OSBPL8: variants seen among roughly 807,000 people sequenced by gnomAD.
OSBPL8 encodes the protein oxysterol binding protein like 8, also known as oxysterol-binding protein-related protein 8.
Under a neutral mutation model 125.5 loss-of-function variants are expected in OSBPL8, and 59 were observed. That is an observed-to-expected ratio of 0.47 (90% CI 0.38 to 0.58). The LOEUF (loss-of-function observed/expected upper bound fraction) is 0.58, where lower values mean the gene tolerates loss of function less well. Ranked by LOEUF, OSBPL8 falls within the 20% of genes least tolerant of loss-of-function variation. The probability of loss-of-function intolerance (pLI) is 0.00; values close to 1 mark genes in which losing one functional copy is unlikely to be tolerated. For missense variants in OSBPL8, 758 were observed against 1,047.8 expected, an observed-to-expected ratio of 0.72 and a Z score of 3.82; for synonymous variants, 330 against 338.9, an observed-to-expected ratio of 0.97 and a Z score of 0.29.
At chr12:76,360,636 C>T (rs923662932) in intron 21 of OSBPL8, among the ~76,000 whole-genome samples, 4 of 152,252 alleles carry the variant, frequency 2.6e-5, no homozygotes, top group Non-Finnish European at 4.4e-5. Context: ...GAGGGCCGTG[C>T]CCCTGCAGCA....
intron 4 of OSBPL8, among the ~76,000 whole-genome samples, chr12:76,415,089 T>A (rs1029092517): frequency 1.3e-5 from 2 of 152,206 alleles, no homozygotes; most frequent in African/African-American, 4.8e-5. Context: ...CATGTCAAAG[T>A]TATACTAATA....
At chr12:76,542,386 T>C (rs1486228708) in intron 1 of OSBPL8, among the ~76,000 whole-genome samples, 2 of 152,166 alleles carry the variant, frequency 1.3e-5, no homozygotes, top group Admixed American at 6.5e-5. Flanking sequence ...GTACTGTCCA[T>C]ATCACCAGTC....
intron 5 of OSBPL8, among the ~76,000 whole-genome samples, chr12:76,407,357 T>C (rs1288277769): frequency 1.3e-5 from 2 of 152,184 alleles, no homozygotes; most frequent in Admixed American, 6.5e-5. Context: ...GGCTCAAGCA[T>C]CTCCTGCCTT....
chr12:76,491,189 G>GA (rs1375624655), intron 1 of OSBPL8, among the ~76,000 whole-genome samples: 5 of 151,860 alleles, frequency 3.3e-5, no homozygotes, highest in African/African-American at 4.8e-5. Flanking sequence ...ACTTCAAAAA[G>GA]AAAAAAAGAT....
intron 5 of OSBPL8, among the ~76,000 whole-genome samples, chr12:76,407,776 C>G (rs966463991): frequency 6.6e-6 from 1 of 152,004 alleles, no homozygotes; most frequent in Non-Finnish European, 1.5e-5. Flanking sequence ...TACTGTTAAC[C>G]AGCTTCTTTG....
intron 4 of OSBPL8, among the ~76,000 whole-genome samples, chr12:76,421,072 C>G (rs1377992619): frequency 6.6e-6 from 1 of 151,956 alleles, no homozygotes; most frequent in Non-Finnish European, 1.5e-5. Flanking sequence ...GCTAAGTTTT[C>G]TATTGTTCAT....
rs184087097 is a variant in OSBPL8, at chr12:76,514,515, T to C, written c.-67-26897A>G. On this transcript the variant is annotated intron_variant, in intron 1 of 23. Transcript: ENST00000261183. ...GCCCTCCTCAATCTCTTCTGGCTTG[T>C]AGGGTTTCAGCTGAGAGATCTGCTG... 2.9e-3 allele frequency among the ~76,000 whole-genome samples: 437 copies of C among 152,276 alleles called. 1 individual carries two copies. Among genetic ancestry groups the C allele is most frequent in the Non-Finnish European group, 3.5e-3 (238 of 68,020 alleles).
intron 1 of OSBPL8, among the ~76,000 whole-genome samples, chr12:76,544,122 A>T (rs1950718321): frequency 6.6e-6 from 1 of 152,230 alleles, no homozygotes; most frequent in African/African-American, 2.4e-5. Flanking sequence ...CAGAGTAGTC[A>T]CTTTCAGAGA....
intron 1 of OSBPL8, among the ~76,000 whole-genome samples, chr12:76,510,897 A>AT (rs55639733): frequency 0.029 from 4,393 of 150,936 alleles, 186 homozygotes; most frequent in African/African-American, 0.099. Flanking sequence ...AAAAAAAAAA[A>AT]ATATATTTAC....
At chr12:76,361,179 T>A (rs1463490463) in intron 21 of OSBPL8, among the ~76,000 whole-genome samples, 1 of 152,212 alleles carries the variant, frequency 6.6e-6, no homozygotes, top group Non-Finnish European at 1.5e-5. Flanking sequence ...CTCTTCAATG[T>A]CTTGCTGCTT....
intron 1 of OSBPL8, among the ~76,000 whole-genome samples, chr12:76,546,719 A>T (rs185593353): frequency 3.2e-4 from 48 of 152,322 alleles, no homozygotes; most frequent in Middle Eastern, 3.4e-3. Context: ...GAATACCTGT[A>T]AAAAATAAAG....
intron 21 of OSBPL8, among the ~76,000 whole-genome samples, chr12:76,362,425 CA>C (rs1952241426): frequency 6.6e-6 from 1 of 152,114 alleles, no homozygotes; most frequent in South Asian, 2.1e-4. Context: ...GAACCAATGA[CA>C]AAAACCACAT....
intron 8 of OSBPL8, among the ~76,000 whole-genome samples, chr12:76,397,419 G>A (rs778221717): frequency 1.3e-4 from 19 of 151,374 alleles, no homozygotes; most frequent in East Asian, 9.7e-4. Context: ...TTACAAAGCC[G>A]AGTTAGTAAT....
chr12:76,369,425 C>A, intron 20 of OSBPL8, 124 bp from the exon 21 acceptor site: 1 of 1,410,110 alleles, frequency 7.1e-7, no homozygotes, highest in Non-Finnish European at 9.3e-7. Context: ...GAGATTTCCC[C>A]ATACCTAATC....
rs201246463 is a variant in OSBPL8 at position 76,483,027 on chromosome 12, C to T, written c.42+4483G>A. ...CTGTAATCCCAGCACTTTAGGAGGC[C>T]GAGGCAGGCGGATCATGAGGTCAGC... On this transcript the variant is annotated intron_variant, in intron 2 of 23. Transcript: ENST00000261183. Among the ~76,000 whole-genome samples the T allele has an allele frequency of 9.0e-4, 137 of 151,974 alleles. 1 individual carries two copies. Among genetic ancestry groups the T allele is most frequent in the African/African-American group, 3.0e-3 (125 of 41,452 alleles).
At chr12:76,442,084 A>G (rs1187095055) in intron 4 of OSBPL8, among the ~76,000 whole-genome samples, 1 of 152,208 alleles carries the variant, frequency 6.6e-6, no homozygotes, top group African/African-American at 2.4e-5. Flanking sequence ...ACCCACAAAA[A>G]TTAAAAATTA....
In OSBPL8 at chr12:76,484,982, G is replaced by A. The variant is rs372820163; in HGVS notation, c.42+2528C>T. Reference sequence around the variant, plus strand: ...GTTGCCCAGGCTAGAGTGCAGTGGCGCGATCTCAGCTCACTGCAACCTCTG... The same window carrying A: ...GTTGCCCAGGCTAGAGTGCAGTGGCACGATCTCAGCTCACTGCAACCTCTG... On this transcript the variant is annotated intron_variant, in intron 2 of 23. Coordinates refer to ENST00000261183, the MANE Select transcript of OSBPL8 (RefSeq NM_020841.5). Among the ~76,000 whole-genome samples the A allele has an allele frequency of 4.6e-5, 7 of 152,036 alleles. No individual in the cohort carries two copies. In the East Asian group the frequency reaches 7.8e-4, roughly 17 times the overall value.
At chr12:76,483,677 T>G (rs1380986273) in intron 2 of OSBPL8, among the ~76,000 whole-genome samples, 1 of 132,394 alleles carries the variant, frequency 7.6e-6, no homozygotes. Flanking sequence ...TTTTTTTTTT[T>G]TTTTTTTTTT....
At chr12:76,493,579 C>T (rs888322405) in intron 1 of OSBPL8, among the ~76,000 whole-genome samples, 1 of 152,192 alleles carries the variant, frequency 6.6e-6, no homozygotes, top group Non-Finnish European at 1.5e-5. Context: ...AAAGTTTCTG[C>T]TGACAAATTC....
Sources: allele counts gnomAD v4.1 joint callset (sites outside exome capture counted in the v4.1 genomes callset), GRCh38; gene constraint gnomAD v4.1.1; transcripts MANE v1.5; gene names NCBI Gene and HGNC (gene_info 2026-07-23, HGNC 2026-07-21).